Variants in CDH10 observed in about 807,000 individuals in gnomAD.
CDH10 encodes cadherin 10.
CDH10 carries 30 observed loss-of-function variants against 73.1 expected under a neutral mutation model. The ratio of observed to expected loss-of-function variants is 0.41; its 90% CI spans 0.31 to 0.56. The LOEUF is 0.56. Among genes scored for constraint, CDH10 ranks in the 20% least tolerant of loss-of-function variants. The probability of loss-of-function intolerance (pLI) is 0.27; values close to 1 mark genes in which losing one functional copy is unlikely to be tolerated. For synonymous variants in CDH10, 345 were observed against 348.2 expected, an observed-to-expected ratio of 0.99 and a Z score of 0.10; for missense variants, 815 against 973.7, an observed-to-expected ratio of 0.84 and a Z score of 2.17.
chr5:24,502,479 A>T (rs552901861), intron 8 of CDH10, among the ~76,000 whole-genome samples: 1 of 152,242 alleles, frequency 6.6e-6, no homozygotes, highest in South Asian at 2.1e-4. Flanking sequence ...CTAGTAGAAA[A>T]AATTCCTTGT....
intron 2 of CDH10, among the ~76,000 whole-genome samples, chr5:24,558,408 G>C (rs1579806122): frequency 6.6e-6 from 1 of 151,474 alleles, no homozygotes; most frequent in Non-Finnish European, 1.5e-5. Flanking sequence ...ATGACACTAT[G>C]GCAAAGGAAT....
At chr5:24,492,562 G>C (rs549181192) in intron 10 of CDH10, among the ~76,000 whole-genome samples, 1 of 152,044 alleles carries the variant, frequency 6.6e-6, no homozygotes, top group Non-Finnish European at 1.5e-5. Flanking sequence ...ATCTCCAGCC[G>C]TTCTAATCTT....
intron 2 of CDH10, among the ~76,000 whole-genome samples, chr5:24,568,256 T>A (rs571233400): frequency 6.6e-6 from 1 of 152,108 alleles, no homozygotes; most frequent in Non-Finnish European, 1.5e-5. Context: ...GGAGAACATA[T>A]TCTTAATTTA....
At chr5:24,551,803 G>A (rs796132871) in intron 2 of CDH10, among the ~76,000 whole-genome samples, 2 of 152,068 alleles carry the variant, frequency 1.3e-5, no homozygotes, top group African/African-American at 4.8e-5. Context: ...TTTATCTATT[G>A]GCACCAGTAT....
intron 1 of CDH10, among the ~76,000 whole-genome samples, chr5:24,617,751 C>A (rs1452022149): frequency 1.3e-5 from 2 of 152,156 alleles, no homozygotes; most frequent in Non-Finnish European, 2.9e-5. Context: ...GATTACATAT[C>A]CATGCTCCTT....
intron 1 of CDH10, among the ~76,000 whole-genome samples, chr5:24,601,241 C>T (rs1048855573): frequency 2.0e-5 from 3 of 152,042 alleles, no homozygotes; most frequent in African/African-American, 7.2e-5. Flanking sequence ...TTGTATCCAG[C>T]TTTGGAAATC....
chr5:24,597,783 A>C (rs1296591981), intron 1 of CDH10, among the ~76,000 whole-genome samples: 1 of 151,980 alleles, frequency 6.6e-6, no homozygotes, highest in African/African-American at 2.4e-5. Flanking sequence ...ACAGAATATA[A>C]TATAATGGGC....
intron 11 of CDH10, among the ~76,000 whole-genome samples, chr5:24,488,569 C>T (rs923850202): frequency 3.6e-4 from 55 of 151,974 alleles, no homozygotes; most frequent in African/African-American, 1.3e-3. Flanking sequence ...AAGGACAACA[C>T]GATGCTTACT....
chr5:24,619,750 T>C (rs1043962230), intron 1 of CDH10, among the ~76,000 whole-genome samples: 2 of 152,076 alleles, frequency 1.3e-5, no homozygotes, highest in Non-Finnish European at 2.9e-5. Flanking sequence ...TAGGAGATGA[T>C]TGGGTCATGA....
chr5:24,550,950 A>G (rs928398680), intron 2 of CDH10, among the ~76,000 whole-genome samples: 1 of 151,994 alleles, frequency 6.6e-6, no homozygotes, highest in African/African-American at 2.4e-5. Context: ...CGGTCATTCT[A>G]TGGCTACTCT....
intron 7 of CDH10, 80 bp downstream of exon 7, chr5:24,509,486 G>C (rs1554017292): frequency 7.8e-7 from 1 of 1,283,716 alleles, no homozygotes; most frequent in Admixed American, 2.0e-5. Flanking sequence ...TGATCCACCC[G>C]CCTCGGCCTC....
At chr5:24,504,767 G>A (rs551495929) in intron 8 of CDH10, among the ~76,000 whole-genome samples, 24 of 151,550 alleles carry the variant, frequency 1.6e-4, no homozygotes, top group African/African-American at 3.9e-4. Flanking sequence ...CTCGTGATCC[G>A]CCCACCTCGG....
Position 24,507,065 on chromosome 5 carries a change from T to C in CDH10, c.1257-1817A>G, listed in dbSNP as rs115598422. On this transcript the variant is annotated intron_variant, in intron 7 of 11. Coordinates refer to ENST00000264463, the MANE Select transcript of CDH10 (RefSeq NM_006727.5). ...ACTTCCATTTTCCTTTCTAAAATAA[T>C]TTCCAGAACACACATTTTAAGAAAA... 4.0e-3 allele frequency among the ~76,000 whole-genome samples: 603 copies of C among 152,308 alleles called. 1 individual carries two copies. Among genetic ancestry groups the C allele is most frequent in the Non-Finnish European group, 6.5e-3 (440 of 67,990 alleles).
At chr5:24,609,456 T>C (rs1412832133) in intron 1 of CDH10, among the ~76,000 whole-genome samples, 1 of 151,908 alleles carries the variant, frequency 6.6e-6, no homozygotes, top group Non-Finnish European at 1.5e-5. Context: ...TGACTCAGAG[T>C]AACAGAACAC....
At chr5:24,511,581 GAGAGAGAGAGAT>G in intron 5 of CDH10, 67 bp from the exon 6 acceptor site, 3 of 743,148 alleles carry the variant, frequency 4.0e-6, no homozygotes, top group Non-Finnish European at 6.5e-6. Context: ...GAGAGAGAGA[GAGAGAGAGAGAT>G]TTCTCAATAG....
chr5:24,594,764 T>A (rs113506629), intron 1 of CDH10, among the ~76,000 whole-genome samples: 11 of 152,156 alleles, frequency 7.2e-5, no homozygotes, highest in Admixed American at 2.0e-4. Context: ...TGACATTTCA[T>A]ATATTCCAGT....
At chr5:24,556,030 T>A (rs1474805225) in intron 2 of CDH10, among the ~76,000 whole-genome samples, 1 of 152,138 alleles carries the variant, frequency 6.6e-6, no homozygotes, top group Non-Finnish European at 1.5e-5. Flanking sequence ...GAGGTGGGTG[T>A]AAAGGCAAGA....
intron 1 of CDH10, among the ~76,000 whole-genome samples, chr5:24,641,125 C>T (rs189163162): frequency 2.6e-5 from 4 of 151,732 alleles, no homozygotes; most frequent in African/African-American, 2.4e-5. Flanking sequence ...ATGGGAAAAG[C>T]AAAATGGACT....
rs2111605691 is a variant in CDH10, at chr5:24,487,914, C to G, written c.2116G>C (p.Asp706His). The G allele has an allele frequency of 1.2e-6, 2 of 1,613,914 alleles. No homozygotes were observed. The highest frequency in any genetic ancestry group is 1.7e-6 in the Non-Finnish European group (2 of 1,179,950). Residue 706 changes from aspartate (D) to histidine (H), a missense_variant, in exon 12 of 12, where the codon GAT (aspartate) becomes CAT (histidine). Transcript: ENST00000264463. Reference sequence around the variant, plus strand: ...ATGAAATCCCGGACGTCCGTGTTATCTGGAGCTGTAGGAGTCCTCCGAGGA... The same window carrying G: ...ATGAAATCCCGGACGTCCGTGTTATGTGGAGCTGTAGGAGTCCTCCGAGGA... ...FIPRRTPTAP[D>H]NTDVRDFINE...
Sources: gnomAD v4.1 joint callset for allele counts (sites outside exome capture counted in the v4.1 genomes callset) on GRCh38, gnomAD v4.1.1 for gene constraint, MANE v1.5 for transcripts, NCBI Gene and HGNC (gene_info 2026-07-23, HGNC 2026-07-21) for gene names.